The following CDK5RAP1 variants were observed in gnomAD, a reference collection of about 807,000 sequenced individuals.
CDK5RAP1 encodes CDK5RAP1 mitochondrial tRNA methylthiotransferase.
In CDK5RAP1, 62 loss-of-function variants were observed where a neutral mutation model predicts 64.5. That is an observed-to-expected ratio of 0.96 (90% CI 0.78 to 1.19). The LOEUF is 1.19. Among genes scored for constraint, CDK5RAP1 ranks in the 50% most tolerant of loss-of-function variants. The pLI is 0.00. For missense variants in CDK5RAP1, 657 were observed against 735.0 expected, an observed-to-expected ratio of 0.89 and a Z score of 1.23; for synonymous variants, 250 against 261.9, an observed-to-expected ratio of 0.95 and a Z score of 0.44.
chr20:33,380,665 T>C (rs1470546620), intron 7 of CDK5RAP1, among the ~76,000 whole-genome samples: 5 of 152,160 alleles, frequency 3.3e-5, no homozygotes, highest in African/African-American at 1.2e-4. Flanking sequence ...ATGTTAACAA[T>C]CACGTTTTTC....
intron 4 of CDK5RAP1, among the ~76,000 whole-genome samples, chr20:33,393,798 T>A (rs967714238): frequency 6.6e-6 from 1 of 152,168 alleles, no homozygotes; most frequent in Non-Finnish European, 1.5e-5. Context: ...ACAGGGTTGT[T>A]GTGATCATTA....
chr20:33,396,939 G>C lies in CDK5RAP1; in HGVS notation c.126C>G (p.Pro42=). The change falls in exon 2 of 14, where the codon CCC becomes CCG. Residue 42 remains proline, a synonymous_variant. Coordinates refer to ENST00000346416, the MANE Select transcript of CDK5RAP1 (RefSeq NM_016408.4). ...AHSSLSSTMC[P]SPERQEDGAR... ...CTCCATCCTCCTGCCTCTCTGGACT[G>C]GGACACATGGTACTAGAGAGACTGC... 2 of 1,614,152 alleles carry C rather than the reference G, an allele frequency of 1.2e-6. No homozygotes were observed. The highest frequency in any genetic ancestry group is 1.7e-6 in the Non-Finnish European group (2 of 1,180,004).
intron 5 of CDK5RAP1, among the ~76,000 whole-genome samples, chr20:33,389,024 G>T (rs546431863): frequency 6.6e-6 from 1 of 152,330 alleles, no homozygotes; most frequent in Non-Finnish European, 1.5e-5. Context: ...TGCCGAGATT[G>T]CAGCCTCTGC....
intron 13 of CDK5RAP1, chr20:33,360,048 C>T (rs1211110270): frequency 9.2e-6 from 3 of 326,404 alleles, no homozygotes; most frequent in Non-Finnish European, 1.7e-5. Context: ...ACACTCTCTA[C>T]TCACTCGAAA....
rs988796483 is a variant in CDK5RAP1 at position 33,383,885 on chromosome 20, C to CA, written c.876+1764dup. On this transcript the variant is annotated intron_variant, in intron 7 of 13. Transcript: ENST00000346416. ...CGAGATCATACCACTACACTCCAGC[C>CA]AAAAAAAAATAAAAAATAAAAGTAA... Among the ~76,000 whole-genome samples the CA allele has an allele frequency of 2.5e-4, 37 of 147,068 alleles. No homozygotes were observed. The East Asian group carries it at 4.2e-3, about 17-fold the overall frequency.
Position 33,389,432 on chromosome 20 carries a change from T to C in CDK5RAP1, c.545-1899A>G, listed in dbSNP as rs7270654. ...GTGAGGAGCCCCTCCGCCCGGCAGC[T>C]GCCCCGACTGGGAAGTGAGGAGCGT... On this transcript the variant is annotated intron_variant, in intron 5 of 13. Transcript: ENST00000346416. 8.5e-3 allele frequency among the ~76,000 whole-genome samples: 1,233 copies of C among 144,604 alleles called. 22 individuals carry two copies. Among genetic ancestry groups the C allele is most frequent in the African/African-American group, 0.03 (1,151 of 38,550 alleles). The allele number at this position is 144,604 out of a possible 152,430, so 94.9% of individuals were successfully genotyped here. A position where few individuals can be genotyped will look rare whatever the true frequency, so the allele number is the denominator to read the frequency against.
intron 1 of CDK5RAP1, among the ~76,000 whole-genome samples, chr20:33,397,715 G>C (rs1359133212): frequency 6.6e-6 from 1 of 152,222 alleles, no homozygotes; most frequent in African/African-American, 2.4e-5. Context: ...GTCTTGGCTG[G>C]ATGCAGCCGC....
At chr20:33,369,367 C>T (rs1984600201) in intron 11 of CDK5RAP1, among the ~76,000 whole-genome samples, 1 of 151,726 alleles carries the variant, frequency 6.6e-6, no homozygotes, top group South Asian at 2.1e-4. Context: ...CCTGTAGTCC[C>T]AGCTACTCGG....
intron 11 of CDK5RAP1, among the ~76,000 whole-genome samples, chr20:33,369,612 G>A (rs1055693667): frequency 2.6e-5 from 4 of 152,086 alleles, no homozygotes; most frequent in Admixed American, 6.6e-5. Context: ...AGAACACTAC[G>A]CAGTGGCTTT....
chr20:33,374,073 C>T (rs1160126366), intron 9 of CDK5RAP1, 42 bp downstream of exon 9: 1 of 1,335,616 alleles, frequency 7.5e-7, no homozygotes, highest in Non-Finnish European at 1.1e-6. Flanking sequence ...ATTAAGGAAA[C>T]ATGGAAAAGT....
intron 8 of CDK5RAP1, among the ~76,000 whole-genome samples, chr20:33,377,565 G>A (rs1002461187): frequency 1.3e-5 from 2 of 152,138 alleles, no homozygotes; most frequent in Non-Finnish European, 2.9e-5. Context: ...GAAGTGCTGC[G>A]GCTTCTTTGA....
At chr20:33,398,852 G>A (rs1989137733) in intron 1 of CDK5RAP1, among the ~76,000 whole-genome samples, 1 of 152,090 alleles carries the variant, frequency 6.6e-6, no homozygotes, top group Non-Finnish European at 1.5e-5. Flanking sequence ...CTTGAGCCCA[G>A]GAGATCAATG....
At position 33,374,182 on chromosome 20, in the gene CDK5RAP1, T is replaced by C; in HGVS notation, c.1138A>G (p.Ile380Val). ...VLQLIHERDN[I>V]CKQIHLPAQS... Reference sequence around the variant, plus strand: ...GCTGGCAGGTGGATCTGTTTACAGATGTTATCTCTCTCATGAATCAGCTGC... The same window carrying C: ...GCTGGCAGGTGGATCTGTTTACAGACGTTATCTCTCTCATGAATCAGCTGC... Residue 380 changes from isoleucine (I) to valine (V), a missense_variant, in exon 9 of 14, where the codon ATC becomes GTC. By Grantham distance (29) the Ile-to-Val change is conservative. Transcript: ENST00000346416. 1 of 1,613,774 alleles carries C rather than the reference T, an allele frequency of 6.2e-7. No individual in the cohort carries two copies. The highest frequency in any genetic ancestry group is 1.3e-5 in the African/African-American group (1 of 75,052).
chr20:33,362,024 A>ATAT (rs1328956236), intron 12 of CDK5RAP1, among the ~76,000 whole-genome samples: 4 of 151,910 alleles, frequency 2.6e-5, no homozygotes, highest in Non-Finnish European at 5.9e-5. Flanking sequence ...CTCTGGGACA[A>ATAT]TATCAAGTGG....
Position 33,379,443 on chromosome 20 carries a change from AGCT to A in CDK5RAP1, c.1107+15_1107+17del, listed in dbSNP as rs779934943. On this transcript the variant is annotated intron_variant, in intron 8 of 13. Coordinates refer to ENST00000346416, the MANE Select transcript of CDK5RAP1 (RefSeq NM_016408.4). Reference sequence around the variant, plus strand: ...AAGAATACTAATATCAGTTTGTCACAGCTAACCTGACGCTCACCTCATCAGGAA... The same window carrying A: ...AAGAATACTAATATCAGTTTGTCACAAACCTGACGCTCACCTCATCAGGAA... The A allele has an allele frequency of 6.4e-7, 1 of 1,559,910 alleles. No homozygotes were observed. Among genetic ancestry groups the A allele is most frequent in the Non-Finnish European group, 8.8e-7 (1 of 1,130,968 alleles).
chr20:33,391,641 G>A (rs1321452355), intron 5 of CDK5RAP1, among the ~76,000 whole-genome samples: 1 of 151,948 alleles, frequency 6.6e-6, no homozygotes, highest in South Asian at 2.1e-4. Flanking sequence ...GACCAACATG[G>A]GGAAACCCGT....
In CDK5RAP1 at chr20:33,385,818, G is replaced by A. The variant is rs974820662; in HGVS notation, c.756-48C>T. 4 of 1,570,236 alleles carry A rather than the reference G, an allele frequency of 2.5e-6. No homozygotes were observed. In the Admixed American group the frequency reaches 5.5e-5, roughly 22 times the overall value. ...TTAGTAACAGTAGCAGGGTGTGCTG[G>A]TATGACCCAAGGAGCAGGACTCAGC... On this transcript the variant is annotated intron_variant, in intron 6 of 13. Transcript: ENST00000346416.
At chr20:33,398,396 A>C (rs1742609396) in intron 1 of CDK5RAP1, among the ~76,000 whole-genome samples, 2 of 152,206 alleles carry the variant, frequency 1.3e-5, no homozygotes, top group African/African-American at 4.8e-5. Flanking sequence ...CGGGAGACTG[A>C]GGCATGAGAA....
At chr20:33,362,771 G>A (rs2097174574) in intron 12 of CDK5RAP1, among the ~76,000 whole-genome samples, 1 of 152,062 alleles carries the variant, frequency 6.6e-6, no homozygotes, top group South Asian at 2.1e-4. Context: ...CCCAGTTTGG[G>A]GTTAAAATAA....
Sources: allele counts gnomAD v4.1 joint callset (sites outside exome capture counted in the v4.1 genomes callset), GRCh38; gene constraint gnomAD v4.1.1; transcripts MANE v1.5; gene names NCBI Gene and HGNC (gene_info 2026-07-23, HGNC 2026-07-21).